The following RPS6KA2 variants were observed in gnomAD, a reference collection of about 807,000 sequenced individuals.
RPS6KA2 encodes ribosomal protein S6 kinase A2.
In RPS6KA2, 42 loss-of-function variants were observed where a neutral mutation model predicts 91.8. The ratio of observed to expected loss-of-function variants is 0.46; its 90% CI spans 0.36 to 0.59. The LOEUF (loss-of-function observed/expected upper bound fraction) is 0.59, where lower values mean the gene tolerates loss of function less well. RPS6KA2 is among the 20% of genes least tolerant of loss of function. The probability of loss-of-function intolerance (pLI) is 0.00; values close to 1 mark genes in which losing one functional copy is unlikely to be tolerated. For synonymous variants in RPS6KA2, 414 were observed against 393.6 expected (o/e 1.05, Z -0.61); for missense variants, 798 against 978.5 (o/e 0.82, Z 2.46).
intron 12 of RPS6KA2, among the ~76,000 whole-genome samples, chr6:166,453,077 T>G (rs1454477312): frequency 6.6e-6 from 1 of 152,036 alleles, no homozygotes; most frequent in Non-Finnish European, 1.5e-5. Flanking sequence ...GGTGTACGCC[T>G]GTAATCCCAG....
chr6:166,600,884 TTATTA>T (rs1194054091), intron 1 of RPS6KA2, among the ~76,000 whole-genome samples: 1 of 152,276 alleles, frequency 6.6e-6, no homozygotes, highest in African/African-American at 2.4e-5. Flanking sequence ...TCAGTCATTC[TTATTA>T]TATTATCCCT....
chr6:166,590,351 G>A (rs1369124754), intron 1 of RPS6KA2, among the ~76,000 whole-genome samples: 5 of 152,178 alleles, frequency 3.3e-5, no homozygotes, highest in Non-Finnish European at 4.4e-5. Context: ...CAGCATCCAC[G>A]TAAGATTAAG....
chr6:166,850,669 C>G (rs1445465977), intron 2 of RPS6KA2, among the ~76,000 whole-genome samples: 1 of 152,212 alleles, frequency 6.6e-6, no homozygotes, highest in Non-Finnish European at 1.5e-5. Flanking sequence ...TGAGCCCCTG[C>G]GTCCTCCTCA....
At chr6:166,555,898 C>A (rs542935467) in intron 1 of RPS6KA2, among the ~76,000 whole-genome samples, 1 of 152,200 alleles carries the variant, frequency 6.6e-6, no homozygotes, top group East Asian at 1.9e-4. Flanking sequence ...CTAGAGGATG[C>A]TGCTCTAGGA....
intron 2 of RPS6KA2, among the ~76,000 whole-genome samples, chr6:166,742,204 T>G (rs1472541368): frequency 6.6e-6 from 1 of 152,098 alleles, no homozygotes; most frequent in Admixed American, 6.5e-5. Context: ...CTGAAATAAA[T>G]AGGGCCCCAT....
In RPS6KA2 at chr6:166,568,366, C is replaced by CTTTGGG. The variant is rs1784566566; in HGVS notation, c.100-29583_100-29582insCCCAAA. ...CGGTGACTCACGCCTATTATCCCAG[C>CTTTGGG]ACTTTGGGAGGCTTAGGCAGGCGGA... On this transcript the variant is annotated intron_variant, in intron 1 of 20. Transcript: ENST00000265678. 2.6e-5 allele frequency among the ~76,000 whole-genome samples: 4 copies of CTTTGGG among 152,104 alleles called. No individual in the cohort carries two copies. The South Asian group carries it at 8.3e-4, about 31-fold the overall frequency.
intron 2 of RPS6KA2, among the ~76,000 whole-genome samples, chr6:166,742,015 C>G (rs1790831538): frequency 6.6e-6 from 1 of 152,176 alleles, no homozygotes; most frequent in African/African-American, 2.4e-5. Context: ...GTAATCCCAG[C>G]TACTCAGAAG....
At chr6:166,718,841 C>G (rs1441708508) in intron 2 of RPS6KA2, among the ~76,000 whole-genome samples, 2 of 152,180 alleles carry the variant, frequency 1.3e-5, no homozygotes, top group Non-Finnish European at 2.9e-5. Flanking sequence ...CACCGAACAG[C>G]TCTTTTGCTT....
At position 166,635,567 on chromosome 6, in the gene RPS6KA2, G is replaced by T. The variant is rs1352036092; in HGVS notation, c.124-96783C>A. Among the ~76,000 whole-genome samples the T allele has an allele frequency of 6.6e-6, 1 of 152,222 alleles. No homozygotes were observed. The highest frequency in any genetic ancestry group is 1.5e-5 in the Non-Finnish European group (1 of 68,022). ...CCAGTGAGAGCATGGTCCTGAGGAG[G>T]TTCATTTGGCTGCTGTGTGAGGGTG... On this transcript the variant is annotated intron_variant, in intron 2 of 21. Transcript: ENST00000503859. This position sits in a 1 kb window ranked among gnomAD's most constrained non-coding sequence, Gnocchi z 4.8.
At chr6:166,519,842 A>G (rs543714855) in intron 3 of RPS6KA2, among the ~76,000 whole-genome samples, 65 of 152,202 alleles carry the variant, frequency 4.3e-4, no homozygotes, top group Non-Finnish European at 8.4e-4. Flanking sequence ...CATTATATGT[A>G]TATTACATTA....
At chr6:166,480,514 T>TATATAAAA (rs1554279395) in intron 10 of RPS6KA2, among the ~76,000 whole-genome samples, 2 of 110,760 alleles carry the variant, frequency 1.8e-5, no homozygotes, top group African/African-American at 7.8e-5. Context: ...TATATATATA[T>TATATAAAA]AATATATTTT....
chr6:166,504,819 C>T (rs770572918), intron 5 of RPS6KA2, among the ~76,000 whole-genome samples: 10 of 152,046 alleles, frequency 6.6e-5, no homozygotes, highest in East Asian at 1.9e-4. Flanking sequence ...TGGATGGAGA[C>T]GAGGGCTTCC....
At chr6:166,773,386 GT>G (rs57517262) in intron 2 of RPS6KA2, among the ~76,000 whole-genome samples, 20,794 of 150,994 alleles carry the variant, frequency 0.14, 4,067 homozygotes, top group African/African-American at 0.43. Context: ...CTTTCTTTTC[GT>G]TTTTTTTTGT....
chr6:166,483,671 C>G (rs1412333907), intron 10 of RPS6KA2, among the ~76,000 whole-genome samples: 3 of 152,214 alleles, frequency 2.0e-5, no homozygotes, highest in African/African-American at 7.2e-5. Flanking sequence ...CAGAAACCCA[C>G]AGAGAAGGAA....
chr6:166,545,496 C>T (rs1783797743), intron 1 of RPS6KA2, among the ~76,000 whole-genome samples: 1 of 152,180 alleles, frequency 6.6e-6, no homozygotes, highest in South Asian at 2.1e-4. Context: ...TAGAACACAG[C>T]AGCACTGAGT....
rs191247691 is a variant in RPS6KA2 at position 166,662,616 on chromosome 6, T to C, written c.124-123832A>G. 1.3e-5 allele frequency among the ~76,000 whole-genome samples: 2 copies of C among 152,312 alleles called. No individual in the cohort carries two copies. The highest frequency in any genetic ancestry group is 3.9e-4 in the East Asian group (2 of 5,186). On this transcript the variant is annotated intron_variant, in intron 2 of 21. Coordinates refer to the RPS6KA2 transcript ENST00000503859. The surrounding 1 kb of genome is among the most constrained non-coding windows in gnomAD (Gnocchi z 4.3). ...GAAAATATGGACACAGATTCAGATATAGTGTTGGGAGTATATGAATTTGAC... is the reference window on the plus strand; with the variant it reads ...GAAAATATGGACACAGATTCAGATACAGTGTTGGGAGTATATGAATTTGAC...
At chr6:166,696,929 T>G (rs1441179063) in intron 2 of RPS6KA2, among the ~76,000 whole-genome samples, 1 of 152,228 alleles carries the variant, frequency 6.6e-6, no homozygotes, top group Non-Finnish European at 1.5e-5. Flanking sequence ...GCTTTTGGAC[T>G]CAGACTAGAA....
At chr6:166,578,213 T>A (rs907966715) in intron 1 of RPS6KA2, among the ~76,000 whole-genome samples, 1 of 152,224 alleles carries the variant, frequency 6.6e-6, no homozygotes, top group African/African-American at 2.4e-5. Flanking sequence ...CTCAAGATGC[T>A]GGGCAACGTG....
rs71639661 is a variant in RPS6KA2 at position 166,767,774 on chromosome 6, A to AACACACACACAC, written c.123+90414_123+90425dup. ...AAGAACTAAAGACAATACCTCCTCA[A>AACACACACACAC]ACACACACACACACACACACACACA... On this transcript the variant is annotated intron_variant, in intron 2 of 21. Transcript: ENST00000503859. This position sits in a 1 kb window ranked among gnomAD's most constrained non-coding sequence, Gnocchi z 4.6. 2.0e-5 allele frequency among the ~76,000 whole-genome samples: 3 copies of AACACACACACAC among 146,854 alleles called. No individual in the cohort carries two copies. The highest frequency in any genetic ancestry group is 7.5e-5 in the African/African-American group (3 of 39,776).
Sources: allele counts gnomAD v4.1 joint callset (sites outside exome capture counted in the v4.1 genomes callset), GRCh38; gene constraint gnomAD v4.1.1; non-coding constraint Gnocchi (gnomAD v3.1); transcripts MANE v1.5; gene names NCBI Gene and HGNC (gene_info 2026-07-23, HGNC 2026-07-21).